Variants in LMOD1 observed in about 807,000 individuals in gnomAD.
LMOD1 encodes leiomodin-1.
In LMOD1, 8 loss-of-function variants were observed where a neutral mutation model predicts 36.5. The observed-to-expected ratio is 0.22, with a 90% confidence interval of 0.13 to 0.40. LMOD1 has a LOEUF of 0.40. Ranked by LOEUF, LMOD1 falls within the 10% of genes least tolerant of loss-of-function variation. LMOD1 has a pLI of 1.00. For synonymous variants in LMOD1, 284 were observed against 288.7 expected, an observed-to-expected ratio of 0.98 and a Z score of 0.17; for missense variants, 630 against 751.1, an observed-to-expected ratio of 0.84 and a Z score of 1.88.
chr1:201,936,075 A>G (rs1026864709), intron 1 of LMOD1, among the ~76,000 whole-genome samples: 1 of 139,808 alleles, frequency 7.2e-6, no homozygotes, highest in Non-Finnish European at 1.5e-5. Flanking sequence ...AGATCACACC[A>G]TTGCACTCCA....
chr1:201,915,699 G>A (rs999776679), intron 1 of LMOD1, among the ~76,000 whole-genome samples: 5 of 151,962 alleles, frequency 3.3e-5, no homozygotes, highest in East Asian at 1.9e-4. Flanking sequence ...ATACTCCCTC[G>A]TTACCTGCAC....
At chr1:201,917,778 G>A (rs1291233161) in intron 1 of LMOD1, among the ~76,000 whole-genome samples, 1 of 152,214 alleles carries the variant, frequency 6.6e-6, no homozygotes, top group Admixed American at 6.5e-5. Flanking sequence ...CAAGCTATTT[G>A]TCCCAGGCTT....
intron 1 of LMOD1, among the ~76,000 whole-genome samples, chr1:201,924,660 GAA>G (rs1224538245): frequency 3.3e-5 from 4 of 122,850 alleles, no homozygotes; most frequent in African/African-American, 9.5e-5. Context: ...GAGAAAGAAA[GAA>G]AAAAAAGAAA....
Position 201,898,330 on chromosome 1 carries a change from G to A in LMOD1, c.*42C>T, listed in dbSNP as rs1413563428. 1.9e-6 allele frequency: 3 copies of A among 1,603,936 alleles called. No individual in the cohort carries two copies. Among genetic ancestry groups the A allele is most frequent in the Non-Finnish European group, 2.6e-6 (3 of 1,174,044 alleles). On this transcript the variant is annotated 3_prime_UTR_variant, in exon 3 of 3. Coordinates refer to ENST00000367288, the MANE Select transcript of LMOD1 (RefSeq NM_012134.3). ...TGTGTAGCCCTGGGAGGTGAGGCCT[G>A]AGCAGTCATGGCATTGGCAGATGGT...
At chr1:201,929,327 C>G (rs946856475) in intron 1 of LMOD1, among the ~76,000 whole-genome samples, 26 of 152,124 alleles carry the variant, frequency 1.7e-4, no homozygotes, top group African/African-American at 6.3e-4. Context: ...GGTGATTCAC[C>G]TGACTCGGCA....
chr1:201,919,856 T>A (rs1681671611), intron 1 of LMOD1, among the ~76,000 whole-genome samples: 1 of 152,042 alleles, frequency 6.6e-6, no homozygotes, highest in Non-Finnish European at 1.5e-5. Flanking sequence ...ACTACAGGCC[T>A]CCAGGGAGCC....
intron 1 of LMOD1, 68 bp from the exon 2 acceptor site, chr1:201,900,819 A>T (rs1003336480): frequency 8.6e-6 from 12 of 1,398,210 alleles, no homozygotes; most frequent in Non-Finnish European, 1.1e-5. Flanking sequence ...GAGTATGGGG[A>T]TGTGTGGGGG....
At chr1:201,931,338 C>T (rs756340028) in intron 1 of LMOD1, among the ~76,000 whole-genome samples, 4 of 152,130 alleles carry the variant, frequency 2.6e-5, no homozygotes, top group African/African-American at 7.2e-5. Context: ...AGTTCGAGAC[C>T]GGCCTGGCCA....
At chr1:201,902,501 T>C (rs1287087610) in intron 1 of LMOD1, among the ~76,000 whole-genome samples, 1 of 151,812 alleles carries the variant, frequency 6.6e-6, no homozygotes, top group Non-Finnish European at 1.5e-5. Flanking sequence ...GGGTGGAGTG[T>C]GATGGCGCAA....
chr1:201,898,401 G>A lies in LMOD1; in HGVS notation c.1777-3C>T, dbSNP rs891598204. ...TGAAGCAGTTTGGGCACTTCCACCTGTAGGGGCAAAGTAGAGACAGGTTAG... is the reference window on the plus strand; with the variant it reads ...TGAAGCAGTTTGGGCACTTCCACCTATAGGGGCAAAGTAGAGACAGGTTAG... On this transcript the variant is annotated splice_region_variant and splice_polypyrimidine_tract_variant and intron_variant, in intron 2 of 2. Transcript: ENST00000367288. 4 of 1,612,498 alleles carry A rather than the reference G, an allele frequency of 2.5e-6. No homozygotes were observed. The highest frequency in any genetic ancestry group is 2.7e-5 in the African/African-American group (2 of 75,022).
At chr1:201,916,494 AAC>A (rs905075960) in intron 1 of LMOD1, among the ~76,000 whole-genome samples, 5 of 150,910 alleles carry the variant, frequency 3.3e-5, no homozygotes, top group African/African-American at 1.2e-4. Context: ...CAGCCTGAGC[AAC>A]AGAGAGAGAC....
chr1:201,939,164 A>C (rs2102931279), intron 1 of LMOD1, among the ~76,000 whole-genome samples: 1 of 149,982 alleles, frequency 6.7e-6, no homozygotes, highest in East Asian at 2.0e-4. Flanking sequence ...ATTTCGTGAG[A>C]GATAAAATAA....
chr1:201,924,665 AAAAGAAAGAAAG>A (rs547652390), intron 1 of LMOD1, among the ~76,000 whole-genome samples: 8,432 of 130,080 alleles, frequency 0.065, 402 homozygotes, highest in Middle Eastern at 0.12. Flanking sequence ...AGAAAGAAAA[AAAAGAAAGAAAG>A]AAAGAAAGAA....
At position 201,900,641 on chromosome 1, in the gene LMOD1, C is replaced by G. The variant is rs1681285108; in HGVS notation, c.372G>C (p.Glu124Asp). ...GPRRDSDLGK[E>D]PKRGGLKKSF... ...TTTTCTTTAAACCACCCCTCTTTGGCTCCTTCCCCAGATCTGAGTCCCGTC... is the reference window on the plus strand; with the variant it reads ...TTTTCTTTAAACCACCCCTCTTTGGGTCCTTCCCCAGATCTGAGTCCCGTC... Residue 124 changes from glutamate to aspartate, a missense_variant, in exon 2 of 3, where the codon GAG (glutamate) becomes GAC (aspartate). This residue lies in a region of LMOD1 where 405 missense variants were observed against 400.6 expected (regional missense o/e 1.01). Coordinates refer to ENST00000367288, the MANE Select transcript of LMOD1 (RefSeq NM_012134.3). 6.2e-7 allele frequency: 1 copy of G among 1,613,938 alleles called. No individual in the cohort carries two copies. Among genetic ancestry groups the G allele is most frequent in the Non-Finnish European group, 8.5e-7 (1 of 1,179,902 alleles).
intron 1 of LMOD1, among the ~76,000 whole-genome samples, chr1:201,910,744 CTTTTTT>C (rs58506647): frequency 1.6e-4 from 8 of 49,068 alleles, no homozygotes; most frequent in East Asian, 1.5e-3. Context: ...TGGTGTCATT[CTTTTTT>C]TTTTTTTTTT....
At chr1:201,902,891 T>G (rs906168657) in intron 1 of LMOD1, among the ~76,000 whole-genome samples, 3 of 152,054 alleles carry the variant, frequency 2.0e-5, no homozygotes, top group African/African-American at 7.2e-5. Flanking sequence ...AGTGGCAGAG[T>G]TAGACATTAG....
chr1:201,937,072 T>C (rs1682031966), intron 1 of LMOD1, among the ~76,000 whole-genome samples: 1 of 152,234 alleles, frequency 6.6e-6, no homozygotes, highest in African/African-American at 2.4e-5. Flanking sequence ...AGAAGATATA[T>C]GTCATATGTT....
chr1:201,923,823 C>A (rs772359127), intron 1 of LMOD1, among the ~76,000 whole-genome samples: 32 of 149,674 alleles, frequency 2.1e-4, no homozygotes, highest in Non-Finnish European at 4.1e-4. Context: ...TGTGATCGTG[C>A]CACTGTATTC....
chr1:201,924,021 AAAAG>A (rs754866402), intron 1 of LMOD1, among the ~76,000 whole-genome samples: 81 of 151,336 alleles, frequency 5.4e-4, no homozygotes, highest in Non-Finnish European at 9.4e-4. Context: ...AAAGAAAAAG[AAAAG>A]AAAGAGAGAG....
Sources: gnomAD v4.1 joint callset for allele counts (sites outside exome capture counted in the v4.1 genomes callset) on GRCh38, gnomAD v4.1.1 for gene constraint, gnomAD v4.1.1 regional missense constraint, MANE v1.5 for transcripts, NCBI Gene and HGNC (gene_info 2026-07-23, HGNC 2026-07-21) for gene names.